HSPG2: variants seen among roughly 807,000 people sequenced by gnomAD.
HSPG2 encodes heparan sulfate proteoglycan 2.
In HSPG2, 278 loss-of-function variants were observed where a neutral mutation model predicts 526.6. That is an observed-to-expected ratio of 0.53 (90% CI 0.48 to 0.58). The LOEUF is 0.58. Among genes scored for constraint, HSPG2 ranks in the 20% least tolerant of loss-of-function variants. HSPG2 has a pLI of 0.00. For missense variants in HSPG2, 5,354 were observed against 6,099.5 expected (o/e 0.88, Z 4.07); for synonymous variants, 2,465 against 2,555.4 (o/e 0.96, Z 1.07).
At position 21,880,510 on chromosome 1, in the gene HSPG2, A is replaced by G. The variant is rs776677561; in HGVS notation, c.2048T>C (p.Leu683Pro). Residue 683 changes from leucine (L) to proline (P), a missense_variant, in exon 16 of 97, where the codon CTG becomes CCG. Leu to Pro is a moderately conservative substitution (Grantham distance 98). Coordinates refer to ENST00000374695, the MANE Select transcript of HSPG2 (RefSeq NM_005529.7). ...GGCCTCCAGGCTCTGCAGCACCTGC[A>G]GCAGCTCCGCGCGCTGCACCGGCCG... ...SGRPVQRAEL[L>P]QVLQSLEAVL... 2 of 1,613,732 alleles carry G rather than the reference A, an allele frequency of 1.2e-6. No homozygotes were observed. Among genetic ancestry groups the G allele is most frequent in the South Asian group, 2.2e-5 (2 of 91,072 alleles).
At chr1:21,860,699 A>G (rs1639721085) in intron 39 of HSPG2, among the ~76,000 whole-genome samples, 1 of 152,026 alleles carries the variant, frequency 6.6e-6, no homozygotes, top group Admixed American at 6.6e-5. Flanking sequence ...GCTAGCCAGG[A>G]TGGTCTCGAT....
intron 30 of HSPG2, 115 bp from the exon 31 acceptor site, chr1:21,873,206 ACT>A: frequency 2.7e-6 from 3 of 1,128,678 alleles, no homozygotes; most frequent in East Asian, 2.4e-5. Flanking sequence ...AGTACTCAAC[ACT>A]CTCACGACAG....
chr1:21,898,328 C>T lies in HSPG2; in HGVS notation c.64-2018G>A, dbSNP rs189596166. 9.8e-5 allele frequency among the ~76,000 whole-genome samples: 15 copies of T among 152,308 alleles called. No individual in the cohort carries two copies. The highest frequency in any genetic ancestry group is 3.1e-4 in the African/African-American group (13 of 41,570). ...CTGCTTTGGCCTAAAGCCCTTACCC[C>T]CAACAATCCAGCGGCAAATGTTGCC... On this transcript the variant is annotated intron_variant, in intron 1 of 96. Coordinates refer to ENST00000374695, the MANE Select transcript of HSPG2 (RefSeq NM_005529.7). The surrounding 1 kb of genome is among the most constrained non-coding windows in gnomAD (Gnocchi z 4.0).
At chr1:21,928,882 C>A (rs1644276354) in intron 1 of HSPG2, among the ~76,000 whole-genome samples, 1 of 152,116 alleles carries the variant, frequency 6.6e-6, no homozygotes, top group African/African-American at 2.4e-5. Context: ...CCCTGAGTAG[C>A]TGGGATTACA....
chr1:21,828,288 C>T lies in HSPG2; in HGVS notation c.12376G>A (p.Glu4126Lys), dbSNP rs1156620223. ...CCATCTCGACACAGGCACTGGAACTCATACTCGCCAGCGGGCATGCACGTG... is the reference window on the plus strand; with the variant it reads ...CCATCTCGACACAGGCACTGGAACTTATACTCGCCAGCGGGCATGCACGTG... ...GATCMPAGEY[E>K]FQCLCRDGFK... The change falls in exon 89 of 97, where the codon GAG becomes AAG. Residue 4126 changes from glutamate (E) to lysine (K), a missense_variant. By Grantham distance (56) the Glu-to-Lys change is moderately conservative. Transcript: ENST00000374695. The surrounding 1 kb of genome is among the most constrained non-coding windows in gnomAD (Gnocchi z 6.0). 5 of 1,613,804 alleles carry T rather than the reference C, an allele frequency of 3.1e-6. No homozygotes were observed. The South Asian group carries it at 4.4e-5, about 14-fold the overall frequency.
Position 21,836,831 on chromosome 1 carries a change from C to T in HSPG2, c.10326G>A (p.Pro3442=), listed in dbSNP as rs372885985. The T allele has an allele frequency of 1.7e-5, 26 of 1,575,562 alleles. No individual in the cohort carries two copies. Among genetic ancestry groups the T allele is most frequent in the South Asian group, 9.3e-5 (8 of 86,202 alleles). Residue 3442 remains proline, a synonymous_variant, in exon 75 of 97, where the codon CCG becomes CCA. Transcript: ENST00000374695. Reference sequence around the variant, plus strand: ...GCACCCCATCCTGCACGCTGTGACCCGGAGGCAGCTGACCCCCTTCCTTGA... The same window carrying T: ...GCACCCCATCCTGCACGCTGTGACCTGGAGGCAGCTGACCCCCTTCCTTGA... ...RWFKEGGQLP[P]GHSVQDGVLR... is the part of the protein sequence containing the mutation.
intron 1 of HSPG2, among the ~76,000 whole-genome samples, chr1:21,921,253 C>T (rs576590886): frequency 1.3e-5 from 2 of 152,272 alleles, no homozygotes; most frequent in African/African-American, 2.4e-5. Context: ...AGCTCAGCTG[C>T]CCCAAAGCCC....
At chr1:21,860,462 C>G (rs1253831942) in intron 39 of HSPG2, among the ~76,000 whole-genome samples, 1 of 152,096 alleles carries the variant, frequency 6.6e-6, no homozygotes, top group Non-Finnish European at 1.5e-5. Flanking sequence ...GAGGTAAGGT[C>G]TCTATTCTCC....
rs767238335 is a variant in HSPG2, at chr1:21,831,419, C to T, written c.11452+44G>A. On this transcript the variant is annotated intron_variant, in intron 83 of 96. Transcript: ENST00000374695. ...GGCTCTCCAGGGCTCTTCCAGCCAGCCAGGTAAGGCCCAGCCTCAGCTGGA... is the reference window on the plus strand; with the variant it reads ...GGCTCTCCAGGGCTCTTCCAGCCAGTCAGGTAAGGCCCAGCCTCAGCTGGA... 1.9e-6 allele frequency: 3 copies of T among 1,607,050 alleles called. No individual in the cohort carries two copies. In the South Asian group the frequency reaches 3.3e-5, roughly 18 times the overall value.
chr1:21,831,115 G>T (rs768791771), intron 84 of HSPG2, 25 bp from the exon 85 acceptor site: 25 of 1,608,710 alleles, frequency 1.6e-5, no homozygotes, highest in Non-Finnish European at 8.5e-7. Context: ...CCAGAAGTAA[G>T]GCCGAGAACA....
At position 21,833,604 on chromosome 1, in the gene HSPG2, C is replaced by T. The variant is rs895245672; in HGVS notation, c.10841G>A (p.Ser3614Asn). Residue 3614 changes from serine (S) to asparagine (N), a missense_variant, in exon 79 of 97, where the codon AGC becomes AAC. Ser to Asn is a conservative substitution (Grantham distance 46). Transcript: ENST00000374695. ...PDISWSKLDGSLPPDSRLENN... is the reference protein window; with the variant it reads ...PDISWSKLDGNLPPDSRLENN... ...CTCCAGGCGGCTGTCAGGTGGCAGG[C>T]TGCCATCCAGCTGCAAATGCACTAG... 3 of 1,613,948 alleles carry T rather than the reference C, an allele frequency of 1.9e-6. No homozygotes were observed. Among genetic ancestry groups the T allele is most frequent in the Non-Finnish European group, 2.5e-6 (3 of 1,180,010 alleles).
At chr1:21,933,798 T>C (rs2152806955) in intron 1 of HSPG2, among the ~76,000 whole-genome samples, 1 of 152,336 alleles carries the variant, frequency 6.6e-6, no homozygotes, top group African/African-American at 2.4e-5. Context: ...AACCCCATCC[T>C]GTGCCGGCTG....
chr1:21,869,634 A>G lies in HSPG2; in HGVS notation c.4221+2552T>C, dbSNP rs1640493364. On this transcript the variant is annotated intron_variant, in intron 33 of 96. Transcript: ENST00000374695. Reference sequence around the variant, plus strand: ...AGCTGGACAGGAGCTGCCAGATCTCAGCATCCATCCGTCTCTGAGCCTCGT... The same window carrying G: ...AGCTGGACAGGAGCTGCCAGATCTCGGCATCCATCCGTCTCTGAGCCTCGT... 7 of 985,896 alleles carry G rather than the reference A, an allele frequency of 7.1e-6. No individual in the cohort carries two copies. In the South Asian group the frequency reaches 2.3e-4, roughly 33 times the overall value. 61.1% of individuals were successfully genotyped at this position (985,896 alleles called of 1,614,324 possible). A position where few individuals can be genotyped will look rare whatever the true frequency, so the allele number is the denominator to read the frequency against.
chr1:21,868,710 G>C (rs1238753962), intron 33 of HSPG2, among the ~76,000 whole-genome samples: 1 of 152,080 alleles, frequency 6.6e-6, no homozygotes, highest in Non-Finnish European at 1.5e-5. Flanking sequence ...GAAGGACAGG[G>C]GCAGAGCTGA....
Position 21,847,798 on chromosome 1 carries a change from G to T in HSPG2, c.7916C>A (p.Pro2639His), listed in dbSNP as rs747900019. The change falls in exon 61 of 97, where the codon CCC becomes CAC. Residue 2639 changes from proline to histidine, a missense_variant. Transcript: ENST00000374695. This position sits in a 1 kb window ranked among gnomAD's most constrained non-coding sequence, Gnocchi z 4.1. ...SPPIRIESSS[P>H]TVVEGQTLDL... ...CAAGGTCTGCCCTTCCACCACCGTG[G>T]GGGAAGACGACTCGATCCTGATCGG... The T allele has an allele frequency of 1.2e-6, 2 of 1,613,924 alleles. No individual in the cohort carries two copies. The highest frequency in any genetic ancestry group is 3.3e-5 in the Admixed American group (2 of 60,022).
intron 76 of HSPG2, chr1:21,835,160 A>G: frequency 3.0e-6 from 2 of 657,632 alleles, no homozygotes; most frequent in Admixed American, 4.5e-5. Context: ...TTTTTAGACA[A>G]AGGGTCTTGG....
At chr1:21,863,060 C>CAAAAACAAAAAAA (rs1423127350) in intron 37 of HSPG2, among the ~76,000 whole-genome samples, 4 of 31,232 alleles carry the variant, frequency 1.3e-4, no homozygotes, top group South Asian at 1.8e-3. Flanking sequence ...GACTCCATCT[C>CAAAAACAAAAAAA]AAAAAAAAAA....
At chr1:21,933,001 T>A (rs1051440167) in intron 1 of HSPG2, among the ~76,000 whole-genome samples, 2 of 152,138 alleles carry the variant, frequency 1.3e-5, no homozygotes, top group African/African-American at 4.8e-5. Flanking sequence ...GGTGGATCAT[T>A]TGAGCCCAGG....
chr1:21,835,142 C>T (rs2098021226), intron 76 of HSPG2, 197 bp from the exon 77 acceptor site: 5 of 592,286 alleles, frequency 8.4e-6, no homozygotes, highest in African/African-American at 1.9e-5. Context: ...GTGTCCACTT[C>T]TTTTTTTTTT....
Sources: allele counts gnomAD v4.1 joint callset (sites outside exome capture counted in the v4.1 genomes callset), GRCh38; gene constraint gnomAD v4.1.1; non-coding constraint Gnocchi (gnomAD v3.1); transcripts MANE v1.5; gene names NCBI Gene and HGNC (gene_info 2026-07-23, HGNC 2026-07-21).